Variants in CDH13 observed in about 807,000 individuals in gnomAD.
CDH13 encodes cadherin 13, also known as cadherin-13.
Under a neutral mutation model 63.8 loss-of-function variants are expected in CDH13, and 24 were observed. That is an observed-to-expected ratio of 0.38 (90% CI 0.27 to 0.53). The LOEUF (loss-of-function observed/expected upper bound fraction) is 0.53. Ranked by LOEUF, CDH13 falls within the 20% of genes least tolerant of loss-of-function variation. The pLI is 0.85. For missense variants in CDH13, 1,049 were observed against 903.1 expected, an observed-to-expected ratio of 1.16 and a Z score of -2.07; for synonymous variants, 503 against 355.3, an observed-to-expected ratio of 1.42 and a Z score of -4.67.
chr16:82,646,907 G>A (rs1567586999), intron 1 of CDH13, among the ~76,000 whole-genome samples: 1 of 152,214 alleles, frequency 6.6e-6, no homozygotes, highest in African/African-American at 2.4e-5. Context: ...TGAAGAGGCT[G>A]TTATGGGTGA....
intron 7 of CDH13, among the ~76,000 whole-genome samples, chr16:83,527,337 T>A (rs1180167058): frequency 1.3e-5 from 2 of 151,206 alleles, no homozygotes; most frequent in South Asian, 4.2e-4. Context: ...TAGTCCCAGC[T>A]ACTTGGGAGG....
chr16:83,761,461 G>A (rs774540933), intron 11 of CDH13, among the ~76,000 whole-genome samples: 18 of 152,212 alleles, frequency 1.2e-4, no homozygotes, highest in Non-Finnish European at 2.4e-4. Context: ...AGCTGAGAGA[G>A]ACTCCAGCGC....
Position 82,944,509 on chromosome 16 carries a change from A to T in CDH13, c.157+86036A>T, listed in dbSNP as rs905026749. Among the ~76,000 whole-genome samples the T allele has an allele frequency of 3.3e-5, 5 of 152,120 alleles. No homozygotes were observed. In the East Asian group the frequency reaches 9.6e-4, roughly 29 times the overall value. ...ATTGCTTCCCAGGGAACATTTGGCA[A>T]TGTCTGGAGATAATTTTTTGTTGTG... is the stretch of plus-strand genomic sequence containing the variant. On this transcript the variant is annotated intron_variant, in intron 2 of 13. Coordinates refer to ENST00000567109, the MANE Select transcript of CDH13 (RefSeq NM_001257.5).
intron 8 of CDH13, among the ~76,000 whole-genome samples, chr16:83,636,118 T>G (rs1271186981): frequency 6.6e-6 from 1 of 151,176 alleles, no homozygotes; most frequent in Non-Finnish European, 1.5e-5. Flanking sequence ...AAAAATCATG[T>G]GGGTGCAGGT....
At chr16:83,148,565 A>G (rs2036847910) in intron 4 of CDH13, among the ~76,000 whole-genome samples, 2 of 152,328 alleles carry the variant, frequency 1.3e-5, no homozygotes, top group South Asian at 4.1e-4. Context: ...TGGAGGTAAT[A>G]ATAGTGCCTG....
At chr16:82,957,638 G>C (rs1216664743) in intron 2 of CDH13, among the ~76,000 whole-genome samples, 1 of 152,148 alleles carries the variant, frequency 6.6e-6, no homozygotes, top group Non-Finnish European at 1.5e-5. Context: ...AAGAACACCA[G>C]CTTTGGACTC....
At chr16:83,539,331 C>T (rs1211247574) in intron 7 of CDH13, among the ~76,000 whole-genome samples, 5 of 152,166 alleles carry the variant, frequency 3.3e-5, no homozygotes, top group African/African-American at 4.8e-5. Flanking sequence ...AATGCCATGG[C>T]TGATCTGACA....
At chr16:83,187,116 G>T in intron 4 of CDH13, among the ~76,000 whole-genome samples, 1 of 151,968 alleles carries the variant, frequency 6.6e-6, no homozygotes, top group East Asian at 1.9e-4. Flanking sequence ...GACTACAGTT[G>T]CCTGCCACCA....
At chr16:83,458,912 T>C (rs1003894150) in intron 6 of CDH13, among the ~76,000 whole-genome samples, 13 of 152,254 alleles carry the variant, frequency 8.5e-5, no homozygotes, top group African/African-American at 3.1e-4. Flanking sequence ...TGCTTCTAGA[T>C]ATTGTCAAGA....
chr16:83,777,261 C>G (rs1915185648), intron 11 of CDH13, among the ~76,000 whole-genome samples: 1 of 152,206 alleles, frequency 6.6e-6, no homozygotes, highest in Non-Finnish European at 1.5e-5. Flanking sequence ...CTCGTGCACT[C>G]TGTAGAATTG....
At chr16:83,035,013 G>T (rs189262740) in intron 3 of CDH13, among the ~76,000 whole-genome samples, 2 of 151,876 alleles carry the variant, frequency 1.3e-5, no homozygotes, top group Non-Finnish European at 2.9e-5. Flanking sequence ...CATCTCCCAC[G>T]TCCAGTAATT....
intron 1 of CDH13, among the ~76,000 whole-genome samples, chr16:82,700,516 AGTAAGT>A (rs1425591178): frequency 2.0e-5 from 1 of 49,580 alleles, no homozygotes; most frequent in Non-Finnish European, 3.9e-5. Context: ...AATTAGGGCT[AGTAAGT>A]GTGTGTGTGT....
chr16:83,350,706 A>G (rs765289052), intron 6 of CDH13, among the ~76,000 whole-genome samples: 25 of 152,184 alleles, frequency 1.6e-4, no homozygotes, highest in Non-Finnish European at 3.1e-4. Context: ...CCAATAAATC[A>G]GAAAGAAAAT....
intron 4 of CDH13, among the ~76,000 whole-genome samples, chr16:83,131,155 C>T (rs1468754636): frequency 2.1e-5 from 3 of 141,732 alleles, no homozygotes; most frequent in Non-Finnish European, 4.5e-5. Flanking sequence ...ACTTAGATAG[C>T]AGGTGGGGAG....
intron 13 of CDH13, among the ~76,000 whole-genome samples, chr16:83,791,068 A>C (rs1301096823): frequency 6.6e-6 from 1 of 152,140 alleles, no homozygotes; most frequent in Non-Finnish European, 1.5e-5. Flanking sequence ...CTGTAATCCC[A>C]GCACTTTGGG....
intron 2 of CDH13, among the ~76,000 whole-genome samples, chr16:82,917,353 C>T (rs951281319): frequency 6.6e-6 from 1 of 151,992 alleles, no homozygotes; most frequent in Non-Finnish European, 1.5e-5. Context: ...AACTCAGGTT[C>T]AGAGGAAAAT....
chr16:83,579,989 G>T (rs999753830), intron 7 of CDH13, among the ~76,000 whole-genome samples: 11 of 152,106 alleles, frequency 7.2e-5, no homozygotes, highest in African/African-American at 2.7e-4. Context: ...GTTTTCAAAG[G>T]CTCAGAAGTA....
At chr16:82,970,166 A>G (rs2151365841) in intron 2 of CDH13, among the ~76,000 whole-genome samples, 1 of 152,140 alleles carries the variant, frequency 6.6e-6, no homozygotes, top group South Asian at 2.1e-4. Flanking sequence ...CTCAGGAATG[A>G]GAACATGTGG....
intron 7 of CDH13, among the ~76,000 whole-genome samples, chr16:83,562,104 A>G (rs1015418160): frequency 2.6e-5 from 4 of 152,174 alleles, no homozygotes; most frequent in African/African-American, 9.7e-5. Context: ...ATCTCAGACT[A>G]GTGCAAAAGT....
Sources: gnomAD v4.1 joint callset for allele counts (sites outside exome capture counted in the v4.1 genomes callset) on GRCh38, gnomAD v4.1.1 for gene constraint, MANE v1.5 for transcripts, NCBI Gene and HGNC (gene_info 2026-07-23, HGNC 2026-07-21) for gene names.